The following IL4R variants were observed in gnomAD, a reference collection of about 807,000 sequenced individuals.
The protein encoded by IL4R is interleukin 4 receptor.
In IL4R, 17 loss-of-function variants were observed where a neutral mutation model predicts 41.5. The ratio of observed to expected loss-of-function variants is 0.41; its 90% CI spans 0.28 to 0.61. The LOEUF (loss-of-function observed/expected upper bound fraction) is 0.61, where lower values mean the gene tolerates loss of function less well. Among genes scored for constraint, IL4R ranks in the 20% least tolerant of loss-of-function variants. IL4R has a pLI of 0.31. For missense variants in IL4R, 974 were observed against 1,043.1 expected (o/e 0.93, Z 0.91); for synonymous variants, 402 against 422.9 (o/e 0.95, Z 0.61).
At chr16:27,352,235 A>G (rs527420352) in intron 6 of IL4R, among the ~76,000 whole-genome samples, 2 of 152,306 alleles carry the variant, frequency 1.3e-5, no homozygotes, top group Admixed American at 6.5e-5. Flanking sequence ...CACAGCCAGG[A>G]AGTGGTAGTA....
intron 6 of IL4R, 148 bp from the exon 7 acceptor site, chr16:27,352,392 C>T: frequency 1.6e-6 from 1 of 626,584 alleles, no homozygotes; most frequent in Non-Finnish European, 2.8e-6. Context: ...ACAGAGGTGG[C>T]AAGCAATGGC....
chr16:27,362,462 G>A lies in IL4R; in HGVS notation c.1110G>A (p.Glu370=). Residue 370 remains glutamate (E), a synonymous_variant, in exon 11 of 11, where the codon GAG becomes GAA. Coordinates refer to ENST00000395762, the MANE Select transcript of IL4R (RefSeq NM_000418.4). ...RCVELFEAPV[E]CEEEEEVEEE... ...TGGAGTTGTTTGAGGCCCCGGTGGA[G>A]TGTGAGGAGGAGGAGGAGGTAGAGG... 6.2e-7 allele frequency: 1 copy of A among 1,614,170 alleles called. No individual in the cohort carries two copies. Among genetic ancestry groups the A allele is most frequent in the African/African-American group, 1.3e-5 (1 of 75,044 alleles).
intron 1 of IL4R, among the ~76,000 whole-genome samples, chr16:27,320,838 G>A (rs902449246): frequency 3.9e-5 from 6 of 152,172 alleles, no homozygotes; most frequent in Admixed American, 6.5e-5. Flanking sequence ...ACAGCCTCCC[G>A]ACGGTCTTGC....
intron 2 of IL4R, among the ~76,000 whole-genome samples, chr16:27,332,564 A>AT (rs2085141588): frequency 2.0e-5 from 3 of 151,956 alleles, no homozygotes; most frequent in South Asian, 4.1e-4. Flanking sequence ...CTTCTCTCTC[A>AT]TTTTTTTGAT....
At chr16:27,324,300 AG>A (rs373343309) in intron 1 of IL4R, among the ~76,000 whole-genome samples, 8 of 152,334 alleles carry the variant, frequency 5.3e-5, no homozygotes, top group African/African-American at 1.7e-4. Context: ...TGCCTGCATT[AG>A]GACATTTAAG....
At chr16:27,354,585 C>T (rs140426256) in intron 7 of IL4R, among the ~76,000 whole-genome samples, 3 of 152,280 alleles carry the variant, frequency 2.0e-5, no homozygotes, top group South Asian at 2.1e-4. Flanking sequence ...ACAGGATAAT[C>T]GTGATTGGCT....
chr16:27,354,473 C>A (rs2085987477), intron 7 of IL4R, among the ~76,000 whole-genome samples: 1 of 152,190 alleles, frequency 6.6e-6, no homozygotes, highest in Non-Finnish European at 1.5e-5. Flanking sequence ...TAGCAAAATT[C>A]CCCTTACATC....
At position 27,360,771 on chromosome 16, in the gene IL4R, A is replaced by G; in HGVS notation, c.855A>G (p.Ser285=). 1 of 1,614,134 alleles carries G rather than the reference A, an allele frequency of 6.2e-7. No homozygotes were observed. Among genetic ancestry groups the G allele is most frequent in the Non-Finnish European group, 8.5e-7 (1 of 1,180,030 alleles). The change falls in exon 10 of 11, where the codon TCA becomes TCG. Residue 285 remains serine (S), a synonymous_variant. Coordinates refer to ENST00000395762, the MANE Select transcript of IL4R (RefSeq NM_000418.4). The part of the protein sequence containing the change: ...VAIIIQDAQG[S]QWEKRSRGQE... ...TGGCTGTCTCTGTATTTTAGGGGTCACAGTGGGAGAAGCGGTCCCGAGGCC... is the reference window on the plus strand; with the variant it reads ...TGGCTGTCTCTGTATTTTAGGGGTCGCAGTGGGAGAAGCGGTCCCGAGGCC...
rs769790595 is a variant in IL4R at position 27,360,785 on chromosome 16, G to C, written c.869G>C (p.Arg290Pro). ...TTTTAGGGGTCACAGTGGGAGAAGC[G>C]GTCCCGAGGCCAGGAACCAGCCAAG... Reference protein sequence around the residue: ...QDAQGSQWEKRSRGQEPAKCP... With the variant: ...QDAQGSQWEKPSRGQEPAKCP... The change falls in exon 10 of 11, where the codon CGG becomes CCG. Residue 290 changes from arginine (R) to proline (P), a missense_variant. Coordinates refer to ENST00000395762, the MANE Select transcript of IL4R (RefSeq NM_000418.4). 2.5e-6 allele frequency: 4 copies of C among 1,614,126 alleles called. No homozygotes were observed. The highest frequency in any genetic ancestry group is 1.1e-5 in the South Asian group (1 of 91,076).
chr16:27,354,772 C>G (rs2086001758), intron 7 of IL4R, among the ~76,000 whole-genome samples: 1 of 152,206 alleles, frequency 6.6e-6, no homozygotes, highest in South Asian at 2.1e-4. Flanking sequence ...AGTACCCTGA[C>G]CCTGCCACCG....
At chr16:27,359,496 G>C (rs186429212) in intron 9 of IL4R, among the ~76,000 whole-genome samples, 1 of 152,314 alleles carries the variant, frequency 6.6e-6, no homozygotes, top group African/African-American at 2.4e-5. Flanking sequence ...TGGGTGAGTG[G>C]GTGGGGTTTG....
chr16:27,350,669 A>T (rs2085833859), intron 6 of IL4R, among the ~76,000 whole-genome samples: 1 of 152,216 alleles, frequency 6.6e-6, no homozygotes, highest in South Asian at 2.1e-4. Flanking sequence ...AGTCATGAAT[A>T]TAGCGTTCAT....
At chr16:27,361,020 G>C in intron 10 of IL4R, 6 of 1,450,352 alleles carry the variant, frequency 4.1e-6, no homozygotes, top group Non-Finnish European at 5.4e-6. Flanking sequence ...TGGTGTGTCA[G>C]GTACATGGTG....
chr16:27,354,992 T>C (rs1254022787), intron 7 of IL4R: 2 of 466,470 alleles, frequency 4.3e-6, no homozygotes, highest in Admixed American at 2.4e-5. Context: ...CAGATAACAA[T>C]GTATGGGACC....
At chr16:27,360,629 G>A in intron 9 of IL4R, 137 bp from the exon 10 acceptor site, 1 of 1,041,414 alleles carries the variant, frequency 9.6e-7, no homozygotes, top group South Asian at 1.3e-5. Flanking sequence ...GGAATCTGAA[G>A]CTCAGAAAGC....
intron 1 of IL4R, 89 bp downstream of exon 1, chr16:27,314,109 G>A: frequency 1.0e-6 from 1 of 985,126 alleles, no homozygotes. Context: ...CTCGGCCGCC[G>A]GCGGGGACCA....
intron 7 of IL4R, 90 bp from the exon 8 acceptor site, chr16:27,355,718 G>T: frequency 2.4e-6 from 2 of 847,274 alleles, no homozygotes; most frequent in East Asian, 2.5e-5. Context: ...CTCGGACGAG[G>T]GTCCTGACCC....
At chr16:27,322,805 T>C (rs765330039) in intron 1 of IL4R, among the ~76,000 whole-genome samples, 7 of 152,220 alleles carry the variant, frequency 4.6e-5, no homozygotes, top group African/African-American at 7.2e-5. Flanking sequence ...TCAGTACTCC[T>C]GTACTAATAA....
At chr16:27,339,197 A>T (rs1168647603) in intron 2 of IL4R, among the ~76,000 whole-genome samples, 1 of 152,034 alleles carries the variant, frequency 6.6e-6, no homozygotes, top group Non-Finnish European at 1.5e-5. Flanking sequence ...ATTCACCATG[A>T]GGTCTCACTA....
Sources: gnomAD v4.1 joint callset for allele counts (sites outside exome capture counted in the v4.1 genomes callset) on GRCh38, gnomAD v4.1.1 for gene constraint, MANE v1.5 for transcripts, NCBI Gene and HGNC (gene_info 2026-07-23, HGNC 2026-07-21) for gene names.